Variants in CEP128 observed in about 807,000 individuals in gnomAD.
CEP128 encodes centrosomal protein 128kDa.
In CEP128, 132 loss-of-function variants were observed where a neutral mutation model predicts 156.7. The observed-to-expected ratio is 0.84, with a 90% CI of 0.73 to 0.97. The LOEUF is 0.97. CEP128 is among the 50% of genes least tolerant of loss of function. CEP128 has a pLI of 0.00. For synonymous variants in CEP128, 469 were observed against 448.9 expected (o/e 1.04, Z -0.57); for missense variants, 1,252 against 1,281.9 (o/e 0.98, Z 0.36).
rs1482646557 is a variant in CEP128 at position 80,845,892 on chromosome 14, CATAG to C, written c.763-5128_763-5125del. Among the ~76,000 whole-genome samples the C allele has an allele frequency of 3.3e-5, 5 of 152,136 alleles. No individual in the cohort carries two copies. The East Asian group carries it at 5.8e-4, about 18-fold the overall frequency. On this transcript the variant is annotated intron_variant, in intron 9 of 24. Transcript: ENST00000555265. Reference sequence around the variant, plus strand: ...TGGCCTAGCATAAATTCACTGAAAACATAGATAGAAACATTCCACTCTTCAAGAA... The same window carrying C: ...TGGCCTAGCATAAATTCACTGAAAACATAGAAACATTCCACTCTTCAAGAA...
chr14:80,609,833 A>T lies in CEP128; in HGVS notation c.2807-29410T>A, dbSNP rs567836958. Among the ~76,000 whole-genome samples, 324 of 150,602 alleles carry T rather than the reference A, an allele frequency of 2.2e-3. 3 individuals carry two copies. The highest frequency in any genetic ancestry group is 0.021 in the Middle Eastern group (6 of 292). ...ACAAGTACTGATTTCTTTTTTTTTA[A>T]AATTATATATGTATGTGAGTCAAAA... On this transcript the variant is annotated intron_variant, in intron 19 of 24. Coordinates refer to ENST00000555265, the MANE Select transcript of CEP128 (RefSeq NM_152446.5).
chr14:80,501,484 C>T (rs1024421899), intron 24 of CEP128, among the ~76,000 whole-genome samples: 14 of 151,828 alleles, frequency 9.2e-5, no homozygotes, highest in African/African-American at 3.4e-4. Context: ...TATTTACCTC[C>T]TTTTCTTTCT....
At chr14:80,559,462 A>T (rs1282951568) in intron 20 of CEP128, among the ~76,000 whole-genome samples, 160 bp from the exon 21 acceptor site, 1 of 152,216 alleles carries the variant, frequency 6.6e-6, no homozygotes, top group East Asian at 1.9e-4. Context: ...AGAACAGAAA[A>T]ATAGTCATCA....
intron 8 of CEP128, among the ~76,000 whole-genome samples, chr14:80,875,664 G>T (rs1888245366): frequency 2.0e-5 from 3 of 152,136 alleles, no homozygotes; most frequent in Admixed American, 2.0e-4. Context: ...CAGTGAGTGG[G>T]TTTAATAGGC....
At chr14:80,869,909 G>A (rs1400363818) in intron 8 of CEP128, among the ~76,000 whole-genome samples, 2 of 151,960 alleles carry the variant, frequency 1.3e-5, no homozygotes, top group Non-Finnish European at 2.9e-5. Flanking sequence ...AAAAGTAAAA[G>A]AGGAGACATT....
intron 8 of CEP128, among the ~76,000 whole-genome samples, chr14:80,863,298 T>C (rs1206908058): frequency 1.3e-5 from 2 of 152,228 alleles, no homozygotes; most frequent in Non-Finnish European, 1.5e-5. Context: ...TCCATGAGCA[T>C]GACCTGCCTA....
chr14:80,908,273 C>T (rs949961351), intron 4 of CEP128, among the ~76,000 whole-genome samples: 1 of 151,894 alleles, frequency 6.6e-6, no homozygotes, highest in Non-Finnish European at 1.5e-5. Flanking sequence ...ATTGTTTTTG[C>T]CTCATTCTCT....
In CEP128 at chr14:80,580,418, G is replaced by T; in HGVS notation, c.2812C>A (p.Leu938Met). 1 of 1,592,588 alleles carries T rather than the reference G, an allele frequency of 6.3e-7. No homozygotes were observed. The highest frequency in any genetic ancestry group is 8.6e-7 in the Non-Finnish European group (1 of 1,162,676). The change falls in exon 20 of 25, where the codon CTG becomes ATG. Residue 938 changes from leucine to methionine, a missense_variant. Transcript: ENST00000555265. Reference protein sequence around the residue: ...DEIHREKRDLLEETQRKDEEM... With the variant: ...DEIHREKRDLMEETQRKDEEM... ...TCATCTTTTCTTTGGGTCTCTTCCAGTAGATCTGTAATAAGAAAGTAAAAT... is the reference window on the plus strand; with the variant it reads ...TCATCTTTTCTTTGGGTCTCTTCCATTAGATCTGTAATAAGAAAGTAAAAT...
chr14:80,900,142 A>G, intron 6 of CEP128, 113 bp from the exon 7 acceptor site: 1 of 642,252 alleles, frequency 1.6e-6, no homozygotes, highest in Non-Finnish European at 2.6e-6. Context: ...CAGATTCCGT[A>G]ATATTATTAT....
chr14:80,529,428 C>G (rs1336135747), intron 22 of CEP128, among the ~76,000 whole-genome samples: 1 of 152,032 alleles, frequency 6.6e-6, no homozygotes, highest in Non-Finnish European at 1.5e-5. Flanking sequence ...TAATAATGAG[C>G]CTTTTGGTAA....
chr14:80,873,962 C>T (rs879730896), intron 8 of CEP128, among the ~76,000 whole-genome samples: 2 of 152,232 alleles, frequency 1.3e-5, no homozygotes, highest in Admixed American at 6.5e-5. Context: ...CCTTGCCTTT[C>T]GTCATGATTG....
At chr14:80,532,314 C>G (rs980280540) in intron 21 of CEP128, among the ~76,000 whole-genome samples, 1 of 152,064 alleles carries the variant, frequency 6.6e-6, no homozygotes, top group Non-Finnish European at 1.5e-5. Flanking sequence ...TGACCTCAGC[C>G]TCTGAGGACC....
intron 2 of CEP128, among the ~76,000 whole-genome samples, chr14:80,953,427 C>A (rs991238156): frequency 2.0e-5 from 3 of 151,732 alleles, no homozygotes; most frequent in African/African-American, 7.3e-5. Context: ...CCACTAAAGA[C>A]ACAAAAAATT....
chr14:80,856,957 A>G (rs1209495221), intron 9 of CEP128, among the ~76,000 whole-genome samples: 1 of 151,334 alleles, frequency 6.6e-6, no homozygotes, highest in Non-Finnish European at 1.5e-5. Context: ...CATGTTGGCC[A>G]GGCTGGTCTC....
chr14:80,781,230 G>C (rs1403666300), intron 15 of CEP128, among the ~76,000 whole-genome samples: 1 of 152,146 alleles, frequency 6.6e-6, no homozygotes, highest in Non-Finnish European at 1.5e-5. Flanking sequence ...GGCCAAGGTG[G>C]GGGGGATCAT....
At chr14:80,675,522 T>C (rs970235337) in intron 19 of CEP128, among the ~76,000 whole-genome samples, 3 of 152,080 alleles carry the variant, frequency 2.0e-5, no homozygotes, top group African/African-American at 7.2e-5. Context: ...CTTGAGATTA[T>C]GTCACATTTC....
At chr14:80,676,875 A>T (rs1327188862) in intron 19 of CEP128, among the ~76,000 whole-genome samples, 2 of 152,196 alleles carry the variant, frequency 1.3e-5, no homozygotes, top group Non-Finnish European at 1.5e-5. Flanking sequence ...GGACAAAGCC[A>T]ACCTGACCAT....
At chr14:80,735,463 T>A (rs1469148665) in intron 19 of CEP128, among the ~76,000 whole-genome samples, 3 of 152,200 alleles carry the variant, frequency 2.0e-5, no homozygotes, top group Non-Finnish European at 2.9e-5. Flanking sequence ...TTATGAATAT[T>A]CCTAATTTAC....
At chr14:80,748,577 T>A (rs28718570) in intron 18 of CEP128, among the ~76,000 whole-genome samples, 9,843 of 152,138 alleles carry the variant, frequency 0.065, 1,061 homozygotes, top group African/African-American at 0.22. Flanking sequence ...TGTACATTTT[T>A]GAGATATGAT....
Sources: allele counts gnomAD v4.1 joint callset (sites outside exome capture counted in the v4.1 genomes callset), GRCh38; gene constraint gnomAD v4.1.1; transcripts MANE v1.5; gene names NCBI Gene and HGNC (gene_info 2026-07-23, HGNC 2026-07-21).